Variants in PDE3B observed in about 807,000 individuals in gnomAD.
PDE3B encodes the protein phosphodiesterase 3B.
In PDE3B, 66 loss-of-function variants were observed where a neutral mutation model predicts 116.8. The observed-to-expected ratio is 0.56, with a 90% CI of 0.46 to 0.69. The LOEUF (loss-of-function observed/expected upper bound fraction) is 0.69. PDE3B is among the 30% of genes least tolerant of loss of function. PDE3B has a pLI of 0.00. For missense variants in PDE3B, 1,384 were observed against 1,368.1 expected, an observed-to-expected ratio of 1.01 and a Z score of -0.18; for synonymous variants, 595 against 533.6, an observed-to-expected ratio of 1.12 and a Z score of -1.59.
the PDE3B span, chr11:14,880,530 A>G: frequency 1.9e-6 from 3 of 1,613,542 alleles, no homozygotes; most frequent in East Asian, 4.5e-5. Flanking sequence ...CGGTGTCTTC[A>G]TAAGTGAATC....
chr11:14,780,945 G>A (rs1428079677), intron 2 of PDE3B, among the ~76,000 whole-genome samples: 1 of 151,648 alleles, frequency 6.6e-6, no homozygotes, highest in African/African-American at 2.4e-5. Context: ...GAAAAGAGAA[G>A]AATCAAATAG....
At chr11:14,898,097 A>T in the PDE3B span, among the ~76,000 whole-genome samples, 1 of 151,720 alleles carries the variant, frequency 6.6e-6, no homozygotes, top group Admixed American at 6.6e-5. Flanking sequence ...CTCTCCCATC[A>T]AGACTCCTCC....
chr11:14,841,277 G>T (rs1278506741), intron 11 of PDE3B, among the ~76,000 whole-genome samples: 3 of 150,444 alleles, frequency 2.0e-5, no homozygotes, highest in African/African-American at 4.9e-5. Context: ...TTTTGGATTT[G>T]CCAGCCTCCT....
At chr11:14,819,045 TG>T in intron 6 of PDE3B, 90 bp from the exon 7 acceptor site, 1 of 753,938 alleles carries the variant, frequency 1.3e-6, no homozygotes, top group South Asian at 1.9e-5. Flanking sequence ...GTTGGGATCT[TG>T]GTTAAAAATT....
the PDE3B span, chr11:14,878,020 G>T: frequency 7.8e-7 from 1 of 1,284,708 alleles, no homozygotes; most frequent in Non-Finnish European, 1.1e-6. Context: ...TTGGCTTTTT[G>T]ATGCTGTGAC....
At chr11:14,685,677 A>G (rs1854853382) in intron 1 of PDE3B, among the ~76,000 whole-genome samples, 1 of 151,852 alleles carries the variant, frequency 6.6e-6, no homozygotes, top group Non-Finnish European at 1.5e-5. Flanking sequence ...GCTGGTCTTG[A>G]ACTCCTGACC....
the PDE3B span, among the ~76,000 whole-genome samples, chr11:14,889,985 C>T: frequency 5.3e-5 from 8 of 151,844 alleles, no homozygotes; most frequent in African/African-American, 9.7e-5. Context: ...AAAAATTAGC[C>T]GGGCGTGGTG....
At position 14,783,447 on chromosome 11, in the gene PDE3B, A is replaced by G. The variant is rs181330340; in HGVS notation, c.1030-2990A>G. ...TGCAGCCATAAAAATGGATGAGTTC[A>G]TGTCCTTTGTAGGGACATGGATGAA... On this transcript the variant is annotated intron_variant, in intron 2 of 15. Transcript: ENST00000282096. Among the ~76,000 whole-genome samples, 1,082 of 152,346 alleles carry G rather than the reference A, an allele frequency of 7.1e-3. 7 individuals carry two copies. The highest frequency in any genetic ancestry group is 0.025 in the African/African-American group (1,025 of 41,582).
rs1469554712 is a variant in PDE3B at position 14,742,431 on chromosome 11, C to T, written c.979-29506C>T. Among the ~76,000 whole-genome samples the T allele has an allele frequency of 1.3e-5, 2 of 152,144 alleles. 1 individual carries two copies. Among genetic ancestry groups the T allele is most frequent in the Non-Finnish European group, 2.9e-5 (2 of 68,024 alleles). ...GTTCTTGTGCTGTGTTTTTCAGCTC[C>T]ACCAGATCATTTATGTTCTTCTCTA... is the stretch of plus-strand genomic sequence containing the variant. On this transcript the variant is annotated intron_variant, in intron 1 of 15. Transcript: ENST00000282096.
intron 1 of PDE3B, among the ~76,000 whole-genome samples, chr11:14,647,365 G>A (rs909973196): frequency 6.6e-6 from 1 of 151,968 alleles, no homozygotes; most frequent in Admixed American, 6.5e-5. Context: ...CTGAATCTTA[G>A]TATCCTGTCA....
chr11:14,667,508 A>AT (rs1384515571), intron 1 of PDE3B, among the ~76,000 whole-genome samples: 3 of 151,792 alleles, frequency 2.0e-5, no homozygotes, highest in Non-Finnish European at 4.4e-5. Context: ...CTATGCAGCC[A>AT]TAAAAAAGGA....
intron 1 of PDE3B, among the ~76,000 whole-genome samples, chr11:14,757,304 T>G (rs1158829540): frequency 2.7e-5 from 4 of 148,948 alleles, no homozygotes; most frequent in African/African-American, 7.4e-5. Context: ...TTATAGTCCT[T>G]TGGGTATATA....
At chr11:14,898,434 T>C in the PDE3B span, among the ~76,000 whole-genome samples, 1 of 152,104 alleles carries the variant, frequency 6.6e-6, no homozygotes, top group Non-Finnish European at 1.5e-5. Context: ...CACACCACAA[T>C]GACACATCCT....
At chr11:14,886,082 T>C in the PDE3B span, 3 of 671,540 alleles carry the variant, frequency 4.5e-6, no homozygotes, top group East Asian at 8.3e-5. Context: ...CCTCCTTCTA[T>C]AAGGCATGCA....
chr11:14,714,180 C>G (rs1044614683), intron 1 of PDE3B, among the ~76,000 whole-genome samples: 1 of 151,784 alleles, frequency 6.6e-6, no homozygotes, highest in Non-Finnish European at 1.5e-5. Flanking sequence ...CTATCATGCT[C>G]CAGTCCAGGG....
intron 7 of PDE3B, among the ~76,000 whole-genome samples, chr11:14,822,116 C>G (rs1386913299): frequency 2.6e-5 from 4 of 152,088 alleles, no homozygotes; most frequent in South Asian, 2.1e-4. Flanking sequence ...TTGCCCAGGC[C>G]AGTCCCAAAC....
At chr11:14,659,704 G>A (rs1853832656) in intron 1 of PDE3B, among the ~76,000 whole-genome samples, 1 of 152,070 alleles carries the variant, frequency 6.6e-6, no homozygotes, top group African/African-American at 2.4e-5. Context: ...ACGTGGTCAT[G>A]TGTTCTCATC....
In PDE3B at chr11:14,644,364, G is replaced by A. The variant is rs1239413781; in HGVS notation, c.289G>A (p.Glu97Lys). The stretch of plus-strand genomic sequence containing the variant: ...TGTCCTCGCCCTGCTGCTGGGCGCG[G>A]AACCCGAGAGCTGGGCTGCCGGGGC... ...AFVLALLLGA[E>K]PESWAAGAAW... Residue 97 changes from glutamate (E) to lysine (K), a missense_variant, in exon 1 of 16, where the codon GAA becomes AAA. Physicochemically the swap from Glu to Lys is moderately conservative, Grantham distance 56 (BLOSUM62 1). Transcript: ENST00000282096. 2 of 1,595,542 alleles carry A rather than the reference G, an allele frequency of 1.3e-6. No homozygotes were observed. Among genetic ancestry groups the A allele is most frequent in the African/African-American group, 1.4e-5 (1 of 73,796 alleles).
At chr11:14,862,707 G>C (rs1847972704) in intron 14 of PDE3B, among the ~76,000 whole-genome samples, 1 of 152,054 alleles carries the variant, frequency 6.6e-6, no homozygotes, top group Non-Finnish European at 1.5e-5. Flanking sequence ...CTGAGTAGCT[G>C]GGATTACAGG....
Sources: gnomAD v4.1 joint callset for allele counts (sites outside exome capture counted in the v4.1 genomes callset) on GRCh38, gnomAD v4.1.1 for gene constraint, MANE v1.5 for transcripts, NCBI Gene and HGNC (gene_info 2026-07-23, HGNC 2026-07-21) for gene names.